The following CDH4 variants were observed in gnomAD, a reference collection of about 807,000 sequenced individuals.
CDH4 encodes the protein cadherin-4.
In CDH4, 33 loss-of-function variants were observed where a neutral mutation model predicts 86.0. The observed-to-expected ratio is 0.38, with a 90% CI of 0.29 to 0.51. CDH4 has a LOEUF of 0.51. CDH4 is among the 20% of genes least tolerant of loss of function. The pLI is 0.86. For missense variants in CDH4, 1,114 were observed against 1,307.4 expected (o/e 0.85, Z 2.28); for synonymous variants, 555 against 549.4 (o/e 1.01, Z -0.14).
intron 6 of CDH4, among the ~76,000 whole-genome samples, chr20:61,858,005 CTCTGTG>C (rs1192908701): frequency 5.6e-5 from 8 of 141,844 alleles, no homozygotes; most frequent in South Asian, 4.6e-4. Context: ...CTCTGTGTGT[CTCTGTG>C]TCTGTGTCTG....
At position 61,377,560 on chromosome 20, in the gene CDH4, A is replaced by C. The variant is rs910948942; in HGVS notation, c.169+122623A>C. Among the ~76,000 whole-genome samples, 6 of 152,194 alleles carry C rather than the reference A, an allele frequency of 3.9e-5. No homozygotes were observed. The highest frequency in any genetic ancestry group is 1.4e-4 in the African/African-American group (6 of 41,444). ...AAATGTCCTTGTTAAATGAAACAAA[A>C]CCATTGCATGGTGCTTTTCTGTAGT... On this transcript the variant is annotated intron_variant, in intron 2 of 15. Transcript: ENST00000614565. The surrounding 1 kb of genome is among the most constrained non-coding windows in gnomAD (Gnocchi z 4.0).
chr20:61,340,418 A>G (rs1405414165), intron 2 of CDH4, among the ~76,000 whole-genome samples: 1 of 152,216 alleles, frequency 6.6e-6, no homozygotes, highest in Admixed American at 6.5e-5. Context: ...TCCGGTGTCC[A>G]TCTGTCGGAG....
At chr20:61,386,538 C>T (rs2084951802) in intron 2 of CDH4, among the ~76,000 whole-genome samples, 2 of 152,148 alleles carry the variant, frequency 1.3e-5, no homozygotes, top group African/African-American at 2.4e-5. Flanking sequence ...GGGGCCTGGC[C>T]TTGAGGTCTT....
At chr20:61,895,655 G>A (rs1022540683) in intron 8 of CDH4, among the ~76,000 whole-genome samples, 1 of 152,218 alleles carries the variant, frequency 6.6e-6, no homozygotes, top group Non-Finnish European at 1.5e-5. Flanking sequence ...GATTCCAGCA[G>A]GGCAGCTGCA....
At chr20:61,802,493 GTTGTAA>G (rs1979879632) in intron 4 of CDH4, among the ~76,000 whole-genome samples, 1 of 152,138 alleles carries the variant, frequency 6.6e-6, no homozygotes, top group South Asian at 2.1e-4. Flanking sequence ...CTCTGAGTTA[GTTGTAA>G]AGAAAGGAAT....
At chr20:61,273,975 G>T (rs978321936) in intron 2 of CDH4, among the ~76,000 whole-genome samples, 1 of 148,744 alleles carries the variant, frequency 6.7e-6, no homozygotes, top group Non-Finnish European at 1.5e-5. Flanking sequence ...GCAGTTTTGG[G>T]GGGTACCATG....
At chr20:61,935,448 A>ATAAT (rs565124440) in intron 15 of CDH4, among the ~76,000 whole-genome samples, 2 of 152,232 alleles carry the variant, frequency 1.3e-5, no homozygotes, top group Admixed American at 1.3e-4. Flanking sequence ...TGCCCAGTCT[A>ATAAT]TAATTAATTT....
intron 2 of CDH4, among the ~76,000 whole-genome samples, chr20:61,714,809 G>A (rs538189825): frequency 4.5e-4 from 68 of 152,242 alleles, no homozygotes; most frequent in African/African-American, 1.6e-3. Flanking sequence ...TTACTCATTG[G>A]CTGATGGGCA....
chr20:61,715,084 C>T (rs751336604), intron 2 of CDH4, among the ~76,000 whole-genome samples: 9 of 152,088 alleles, frequency 5.9e-5, no homozygotes, highest in East Asian at 1.9e-4. Flanking sequence ...TGTTTTTTGA[C>T]GTTTTGATAA....
At chr20:61,279,645 G>C (rs2084248072) in intron 2 of CDH4, among the ~76,000 whole-genome samples, 1 of 152,160 alleles carries the variant, frequency 6.6e-6, no homozygotes, top group African/African-American at 2.4e-5. Flanking sequence ...CAGGACTGGG[G>C]GTCTCCACGA....
intron 2 of CDH4, among the ~76,000 whole-genome samples, chr20:61,478,421 T>C (rs2085551236): frequency 6.6e-6 from 1 of 152,204 alleles, no homozygotes; most frequent in Non-Finnish European, 1.5e-5. Flanking sequence ...GACGTAAGTT[T>C]GGACATAAAA....
chr20:61,872,499 C>T (rs1166618411), intron 6 of CDH4, among the ~76,000 whole-genome samples: 2 of 152,144 alleles, frequency 1.3e-5, no homozygotes, highest in African/African-American at 2.4e-5. Flanking sequence ...GAGACTGCCA[C>T]CCCGCACCTG....
At chr20:61,536,361 A>G (rs946973514) in intron 2 of CDH4, among the ~76,000 whole-genome samples, 1 of 152,140 alleles carries the variant, frequency 6.6e-6, no homozygotes, top group Non-Finnish European at 1.5e-5. Context: ...GGTGGTGGAA[A>G]GGAAGAGGCC....
intron 2 of CDH4, among the ~76,000 whole-genome samples, chr20:61,316,853 T>C (rs1039932868): frequency 1.3e-5 from 2 of 152,076 alleles, no homozygotes; most frequent in Non-Finnish European, 2.9e-5. Flanking sequence ...TACAGCATGA[T>C]AGTCACAGCC....
rs2145621036 is a variant in CDH4 at position 61,516,934 on chromosome 20, T to G, written c.170-226629T>G. Among the ~76,000 whole-genome samples the G allele has an allele frequency of 6.6e-6, 1 of 152,246 alleles. No homozygotes were observed. On this transcript the variant is annotated intron_variant, in intron 2 of 15. Coordinates refer to ENST00000614565, the MANE Select transcript of CDH4 (RefSeq NM_001794.5). The surrounding 1 kb of genome is among the most constrained non-coding windows in gnomAD (Gnocchi z 4.0). ...CAACTCCTCCAGCGAGTCCTGTGTT[T>G]GTAACATGGGGTGTTTTCAATGTAT... is the stretch of plus-strand genomic sequence containing the variant.
chr20:61,789,340 C>T (rs1979042390), intron 4 of CDH4, among the ~76,000 whole-genome samples: 1 of 152,168 alleles, frequency 6.6e-6, no homozygotes, highest in African/African-American at 2.4e-5. Context: ...AAAATGTAGG[C>T]TTATTAAAAC....
intron 2 of CDH4, among the ~76,000 whole-genome samples, chr20:61,588,314 G>T (rs1310494222): frequency 2.0e-5 from 3 of 152,184 alleles, no homozygotes; most frequent in Admixed American, 6.5e-5. Flanking sequence ...CGTAGGTCTC[G>T]CAGCCTCCAT....
intron 4 of CDH4, among the ~76,000 whole-genome samples, chr20:61,789,803 T>C (rs11906387): frequency 0.054 from 8,253 of 152,242 alleles, 708 homozygotes; most frequent in African/African-American, 0.19. Flanking sequence ...GGAAGTATGG[T>C]TGTCCTATGC....
intron 2 of CDH4, among the ~76,000 whole-genome samples, chr20:61,657,156 C>T (rs1347735949): frequency 6.6e-6 from 1 of 152,224 alleles, no homozygotes; most frequent in South Asian, 2.1e-4. Flanking sequence ...TCCCTCCCAC[C>T]CAGGGCTGCG....
Sources: gnomAD v4.1 joint callset for allele counts (sites outside exome capture counted in the v4.1 genomes callset) on GRCh38, gnomAD v4.1.1 for gene constraint, Gnocchi (gnomAD v3.1) non-coding constraint, MANE v1.5 for transcripts, NCBI Gene and HGNC (gene_info 2026-07-23, HGNC 2026-07-21) for gene names.